The following NXNL2 variants were observed in gnomAD, a reference collection of about 807,000 sequenced individuals.
NXNL2 encodes nucleoredoxin like 2.
A neutral mutation model predicts 11.1 loss-of-function variants in NXNL2; 7 were observed. The observed-to-expected ratio is 0.63, with a 90% CI of 0.36 to 1.18. NXNL2 has a LOEUF of 1.18. Ranked by LOEUF, NXNL2 falls within the 50% of genes most tolerant of loss-of-function variation. The probability of loss-of-function intolerance (pLI) is 0.02; values close to 1 mark genes in which losing one functional copy is unlikely to be tolerated. For synonymous variants in NXNL2, 109 were observed against 101.8 expected, an observed-to-expected ratio of 1.07 and a Z score of -0.42; for missense variants, 233 against 217.7, an observed-to-expected ratio of 1.07 and a Z score of -0.44.
chr9:88,550,485 G>A (rs1052902798), intron 1 of NXNL2, among the ~76,000 whole-genome samples: 2 of 152,176 alleles, frequency 1.3e-5, no homozygotes, highest in South Asian at 2.1e-4. Context: ...TTTTAAAGGC[G>A]GGAGGCAGAG....
intron 1 of NXNL2, among the ~76,000 whole-genome samples, chr9:88,564,126 G>A (rs977776879): frequency 9.3e-5 from 14 of 151,188 alleles, no homozygotes; most frequent in Admixed American, 2.0e-4. Context: ...CAGGAGAATC[G>A]CTTGAACCTG....
At chr9:88,556,707 A>G (rs1194302216) in intron 1 of NXNL2, among the ~76,000 whole-genome samples, 2 of 152,210 alleles carry the variant, frequency 1.3e-5, no homozygotes, top group East Asian at 3.9e-4. Flanking sequence ...CTGTCTGCCT[A>G]GGAATTTGTC....
intron 1 of NXNL2, among the ~76,000 whole-genome samples, chr9:88,551,691 A>G (rs1017553844): frequency 6.6e-6 from 1 of 151,956 alleles, no homozygotes; most frequent in Non-Finnish European, 1.5e-5. Context: ...TTTGGGAGGG[A>G]CTTAGCAGAA....
At chr9:88,551,141 C>A (rs1162296359) in intron 1 of NXNL2, among the ~76,000 whole-genome samples, 1 of 152,166 alleles carries the variant, frequency 6.6e-6, no homozygotes, top group Non-Finnish European at 1.5e-5. Flanking sequence ...TTCATGATGC[C>A]TTAGCAAGCC....
chr9:88,552,471 A>AT lies in NXNL2; in HGVS notation c.302+16736dup, dbSNP rs1564070714. 3.3e-4 allele frequency among the ~76,000 whole-genome samples: 43 copies of AT among 129,954 alleles called. No homozygotes were observed. In the South Asian group the frequency reaches 0.011, roughly 32 times the overall value. The allele number at this position is 129,954 out of a possible 152,430, so 85.3% of individuals were successfully genotyped here. ...ATCTAGTTTTCTGCTTTAAACATGC[A>AT]TGTTTTTTTTTTTTTTTTTGAGATG... On this transcript the variant is annotated intron_variant, in intron 1 of 2. Coordinates refer to the NXNL2 transcript ENST00000375855.
intron 1 of NXNL2, among the ~76,000 whole-genome samples, chr9:88,538,874 G>A (rs1004450944): frequency 1.1e-4 from 17 of 152,156 alleles, no homozygotes; most frequent in African/African-American, 3.6e-4. Context: ...TGTTATTCCC[G>A]TGGTGTAGAT....
intron 1 of NXNL2, among the ~76,000 whole-genome samples, chr9:88,555,212 G>A (rs77307671): frequency 0.023 from 3,464 of 152,282 alleles, 132 homozygotes; most frequent in African/African-American, 0.079. Context: ...ATAAAAGGGC[G>A]ATTACTTCAT....
At chr9:88,540,935 ATTTTTTTTT>A (rs71507764) in intron 1 of NXNL2, among the ~76,000 whole-genome samples, 51 of 91,074 alleles carry the variant, frequency 5.6e-4, no homozygotes, top group East Asian at 2.9e-3. Context: ...ATCTCAGTAG[ATTTTTTTTT>A]TTTTTTTTTT....
At chr9:88,557,596 A>G (rs1830034967) in intron 1 of NXNL2, among the ~76,000 whole-genome samples, 1 of 152,224 alleles carries the variant, frequency 6.6e-6, no homozygotes, top group South Asian at 2.1e-4. Context: ...AGCCACCAAC[A>G]GCTAAGACAG....
chr9:88,537,696 C>T (rs1199839535), intron 1 of NXNL2, among the ~76,000 whole-genome samples: 1 of 152,200 alleles, frequency 6.6e-6, no homozygotes, highest in Non-Finnish European at 1.5e-5. Context: ...TCCGGTTTAG[C>T]CATGCCTTGC....
downstream of NXNL2, among the ~76,000 whole-genome samples, chr9:88,579,772 G>C (rs1830389074): frequency 6.6e-6 from 1 of 152,106 alleles, no homozygotes; most frequent in African/African-American, 2.4e-5. Context: ...TATGCAGGGT[G>C]GCCCCAAACA....
At chr9:88,553,357 A>AAAAAACAAC (rs544984077) in intron 1 of NXNL2, among the ~76,000 whole-genome samples, 1 of 151,922 alleles carries the variant, frequency 6.6e-6, no homozygotes, top group African/African-American at 2.4e-5. Context: ...AAAAAAGCCC[A>AAAAAACAAC]AACAACAACA....
At chr9:88,583,072 T>C (rs1830426671) in intron 1 of NXNL2, among the ~76,000 whole-genome samples, 2 of 152,200 alleles carry the variant, frequency 1.3e-5, no homozygotes, top group African/African-American at 2.4e-5. Context: ...CATGTGTCTG[T>C]GGCCAGTGGG....
chr9:88,549,366 CT>C (rs1829896329), downstream of NXNL2, among the ~76,000 whole-genome samples: 1 of 152,176 alleles, frequency 6.6e-6, no homozygotes, highest in African/African-American at 2.4e-5. Context: ...CATTCTGTTT[CT>C]TGGTTTCCAC....
intron 1 of NXNL2, among the ~76,000 whole-genome samples, chr9:88,543,822 A>T (rs1829807141): frequency 6.6e-6 from 1 of 152,212 alleles, no homozygotes; most frequent in Non-Finnish European, 1.5e-5. Context: ...GGTAGCACAG[A>T]TACGGAGAGT....
intron 1 of NXNL2, among the ~76,000 whole-genome samples, chr9:88,537,123 T>C (rs150289006): frequency 6.6e-6 from 1 of 152,230 alleles, no homozygotes; most frequent in African/African-American, 2.4e-5. Context: ...GAGCATATGA[T>C]ACATCACGTG....
chr9:88,538,903 G>C (rs1175855391), intron 1 of NXNL2, among the ~76,000 whole-genome samples: 1 of 147,442 alleles, frequency 6.8e-6, no homozygotes, highest in Non-Finnish European at 1.5e-5. Context: ...CGAGGTGCAG[G>C]AGGTTAACTA....
rs764427244 is a variant in NXNL2 at position 88,535,751 on chromosome 9, TG to T, written c.302+22del. On this transcript the variant is annotated intron_variant, in intron 1 of 1. Coordinates refer to ENST00000375854, the MANE Select transcript of NXNL2 (RefSeq NM_001161625.2). Reference sequence around the variant, plus strand: ...CCCTACCGGCAGTGAGTGGGGGTCCTGGGGGGGCGGGGGCCGCCCGGCACGT... The same window carrying T: ...CCCTACCGGCAGTGAGTGGGGGTCCTGGGGGGCGGGGGCCGCCCGGCACGT... The T allele has an allele frequency of 4.7e-5, 72 of 1,530,264 alleles. No individual in the cohort carries two copies. Among genetic ancestry groups the T allele is most frequent in the Non-Finnish European group, 5.7e-5 (66 of 1,147,928 alleles). 94.8% of individuals were successfully genotyped at this position (1,530,264 alleles called of 1,614,324 possible).
intron 1 of NXNL2, among the ~76,000 whole-genome samples, chr9:88,564,483 C>T (rs750235648): frequency 6.6e-6 from 1 of 152,078 alleles, no homozygotes; most frequent in African/African-American, 2.4e-5. Flanking sequence ...GTGGCACCAT[C>T]TCAGCTCACT....
Sources: allele counts gnomAD v4.1 joint callset (sites outside exome capture counted in the v4.1 genomes callset), GRCh38; gene constraint gnomAD v4.1.1; transcripts MANE v1.5; gene names NCBI Gene and HGNC (gene_info 2026-07-23, HGNC 2026-07-21).